Variants in PTPN12 observed in about 807,000 individuals in gnomAD.
PTPN12 encodes the protein protein tyrosine phosphatase non-receptor type 12.
In PTPN12, 29 loss-of-function variants were observed where a neutral mutation model predicts 97.6. The observed-to-expected ratio is 0.30, with a 90% CI of 0.22 to 0.41. The LOEUF (loss-of-function observed/expected upper bound fraction) is 0.41, where lower values mean the gene tolerates loss of function less well. PTPN12 is among the 10% of genes least tolerant of loss of function. PTPN12 has a pLI of 1.00. For synonymous variants in PTPN12, 327 were observed against 300.4 expected (o/e 1.09, Z -0.91); for missense variants, 819 against 926.0 (o/e 0.88, Z 1.50).
At chr7:77,596,548 G>A (rs6465752) in intron 6 of PTPN12, among the ~76,000 whole-genome samples, 2 of 152,190 alleles carry the variant, frequency 1.3e-5, no homozygotes, top group African/African-American at 4.8e-5. Flanking sequence ...GTAGCTGAGA[G>A]CACAGGCTTA....
intron 7 of PTPN12, among the ~76,000 whole-genome samples, chr7:77,598,302 C>T (rs1467376109): frequency 2.0e-5 from 3 of 152,166 alleles, no homozygotes; most frequent in Non-Finnish European, 4.4e-5. Context: ...AGTATGCTCA[C>T]TCCTTTGGTA....
In PTPN12 at chr7:77,618,574, T is replaced by C; in HGVS notation, c.1025+9T>C. The C allele has an allele frequency of 6.4e-7, 1 of 1,569,942 alleles. No individual in the cohort carries two copies. Among genetic ancestry groups the C allele is most frequent in the Non-Finnish European group, 8.7e-7 (1 of 1,143,280 alleles). ...CCACCAAGGACCCGCAGGTATTGTA[T>C]GTCTTCGAACATTTTCTTTAAAAGC... is the stretch of plus-strand genomic sequence containing the variant. On this transcript the variant is annotated intron_variant, in intron 12 of 17. Coordinates refer to ENST00000248594, the MANE Select transcript of PTPN12 (RefSeq NM_002835.4).
At chr7:77,625,472 G>GCTCGCGCTCTCTCTCTCCCTCTCTCTCT in intron 12 of PTPN12, among the ~76,000 whole-genome samples, 1 of 33,520 alleles carries the variant, frequency 3.0e-5, no homozygotes, top group Non-Finnish European at 5.0e-5. Flanking sequence ...CAGGCTGCTC[G>GCTCGCGCTCTCTCTCTCCCTCTCTCTCT]CTCTCTCTCT....
At chr7:77,537,768 CAGCCGGGTG>C (rs1180831593) in intron 1 of PTPN12, 123 bp downstream of exon 1, 17 of 1,101,124 alleles carry the variant, frequency 1.5e-5, no homozygotes, top group Middle Eastern at 3.2e-4. Context: ...GGGCGCGCAC[CAGCCGGGTG>C]AGCCGGGTGG....
intron 11 of PTPN12, among the ~76,000 whole-genome samples, chr7:77,618,068 A>C (rs1036145103): frequency 6.6e-6 from 1 of 151,416 alleles, no homozygotes; most frequent in African/African-American, 2.4e-5. Context: ...ATAAAAAGAT[A>C]CTCCATTACT....
intron 11 of PTPN12, among the ~76,000 whole-genome samples, chr7:77,615,868 A>G (rs375189888): frequency 9.2e-4 from 140 of 152,376 alleles, no homozygotes; most frequent in African/African-American, 3.1e-3. Context: ...TAGGAAATCC[A>G]AGAACATTGT....
Position 77,639,311 on chromosome 7 carries a change from A to T in PTPN12, c.*31A>T. The T allele has an allele frequency of 6.3e-7, 1 of 1,578,368 alleles. No homozygotes were observed. The highest frequency in any genetic ancestry group is 8.7e-7 in the Non-Finnish European group (1 of 1,151,518). ...GGAGCTAGAAGACACTTTAAGTTAT[A>T]CTGGAAAATTCAGGTGCCACTGAAA... On this transcript the variant is annotated 3_prime_UTR_variant, in exon 18 of 18. Coordinates refer to ENST00000248594, the MANE Select transcript of PTPN12 (RefSeq NM_002835.4).
chr7:77,560,532 C>T (rs1017566324), intron 1 of PTPN12, among the ~76,000 whole-genome samples: 1 of 151,974 alleles, frequency 6.6e-6, no homozygotes, highest in Non-Finnish European at 1.5e-5. Context: ...CATTAAACCA[C>T]CCTCTTTATT....
chr7:77,573,099 A>AC (rs1458203020), intron 2 of PTPN12, among the ~76,000 whole-genome samples: 1 of 134,810 alleles, frequency 7.4e-6, no homozygotes. Context: ...AAAAAAAACA[A>AC]AAAAACAAAA....
chr7:77,605,938 GAGC>G (rs1788356336), intron 8 of PTPN12, among the ~76,000 whole-genome samples: 1 of 133,068 alleles, frequency 7.5e-6, no homozygotes, highest in Non-Finnish European at 1.6e-5. Context: ...TCTAAAACAA[GAGC>G]CATCTTTTTT....
intron 1 of PTPN12, chr7:77,563,935 G>C (rs916832140): frequency 1.1e-5 from 5 of 439,912 alleles, no homozygotes; most frequent in African/African-American, 8.1e-5. Context: ...TTTTTTTTGA[G>C]ATGGAGCTCT....
intron 1 of PTPN12, among the ~76,000 whole-genome samples, chr7:77,552,074 A>G (rs1321302048): frequency 1.3e-5 from 2 of 152,338 alleles, no homozygotes; most frequent in East Asian, 3.9e-4. Flanking sequence ...CACAAAAGTA[A>G]AAAGTTTATT....
At chr7:77,603,747 CTTTTAAAGTA>C (rs1788260331) in intron 8 of PTPN12, among the ~76,000 whole-genome samples, 1 of 152,114 alleles carries the variant, frequency 6.6e-6, no homozygotes, top group Non-Finnish European at 1.5e-5. Flanking sequence ...AGGACATAAA[CTTTTAAAGTA>C]TTTTAATGAG....
rs188652793 is a variant in PTPN12, at chr7:77,570,351, A to G, written c.100-727A>G. Among the ~76,000 whole-genome samples, 271 of 152,338 alleles carry G rather than the reference A, an allele frequency of 1.8e-3. 2 individuals are homozygous for G. Among genetic ancestry groups the G allele is most frequent in the African/African-American group, 6.1e-3 (253 of 41,576 alleles). On this transcript the variant is annotated intron_variant, in intron 1 of 17. Coordinates refer to ENST00000248594, the MANE Select transcript of PTPN12 (RefSeq NM_002835.4). ...GAATGGTAAAACCAGAATGCTTTTAATATGTCTTGAGGCCTGAAAGAAAGT... is the reference window on the plus strand; with the variant it reads ...GAATGGTAAAACCAGAATGCTTTTAGTATGTCTTGAGGCCTGAAAGAAAGT...
At chr7:77,543,261 T>C (rs565356259) in intron 1 of PTPN12, among the ~76,000 whole-genome samples, 1 of 82,988 alleles carries the variant, frequency 1.2e-5, no homozygotes, top group Admixed American at 1.4e-4. Context: ...GTTTAGTGTC[T>C]TTCCATTTTT....
At chr7:77,571,324 T>TAATTC (rs1787123590) in intron 2 of PTPN12, 138 bp downstream of exon 2, 3 of 581,890 alleles carry the variant, frequency 5.2e-6, no homozygotes, top group African/African-American at 4.0e-5. Context: ...GGAAAGATAA[T>TAATTC]AATTCATAAT....
intron 2 of PTPN12, among the ~76,000 whole-genome samples, chr7:77,575,249 G>A (rs1365442808): frequency 6.6e-6 from 1 of 152,190 alleles, no homozygotes; most frequent in Non-Finnish European, 1.5e-5. Flanking sequence ...CAGCACTTTA[G>A]GAGGCCAAGC....
At chr7:77,537,927 G>C in intron 1 of PTPN12, 2 of 638,340 alleles carry the variant, frequency 3.1e-6, no homozygotes, top group African/African-American at 4.0e-5. Flanking sequence ...CGTGGCTCGC[G>C]ACCACCTATT....
At chr7:77,543,358 TTTAA>T (rs1172611800) in intron 1 of PTPN12, among the ~76,000 whole-genome samples, 14 of 151,798 alleles carry the variant, frequency 9.2e-5, no homozygotes, top group African/African-American at 3.1e-4. Context: ...TTTTTTTTTT[TTTAA>T]AGAGAGAACT....
Sources: allele counts gnomAD v4.1 joint callset (sites outside exome capture counted in the v4.1 genomes callset), GRCh38; gene constraint gnomAD v4.1.1; transcripts MANE v1.5; gene names NCBI Gene and HGNC (gene_info 2026-07-23, HGNC 2026-07-21).